BAZ2B: variants seen among roughly 807,000 people sequenced by gnomAD.
BAZ2B encodes bromodomain adjacent to zinc finger domain 2B, also known as bromodomain adjacent to zinc finger domain protein 2B.
Under a neutral mutation model 246.0 loss-of-function variants are expected in BAZ2B, and 91 were observed. That is an observed-to-expected ratio of 0.37 (90% confidence interval 0.31 to 0.44). The LOEUF is 0.44. Among genes scored for constraint, BAZ2B ranks in the 20% least tolerant of loss-of-function variants. The probability of loss-of-function intolerance (pLI) is 1.00; values close to 1 mark genes in which losing one functional copy is unlikely to be tolerated. For synonymous variants in BAZ2B, 855 were observed against 860.0 expected, an observed-to-expected ratio of 0.99 and a Z score of 0.10; for missense variants, 2,332 against 2,533.7, an observed-to-expected ratio of 0.92 and a Z score of 1.71.
At chr2:159,342,496 G>C (rs2066903898) in intron 31 of BAZ2B, among the ~76,000 whole-genome samples, 1 of 152,088 alleles carries the variant, frequency 6.6e-6, no homozygotes, top group African/African-American at 2.4e-5. Context: ...ATGTTCCCCA[G>C]GCTGGTCTCA....
At chr2:159,405,589 T>C (rs1203594265) in intron 14 of BAZ2B, among the ~76,000 whole-genome samples, 2 of 152,200 alleles carry the variant, frequency 1.3e-5, no homozygotes, top group Non-Finnish European at 2.9e-5. Context: ...CAACGTCATG[T>C]TCATTCCAAC....
intron 1 of BAZ2B, among the ~76,000 whole-genome samples, chr2:159,591,118 T>C (rs1689300987): frequency 6.6e-6 from 1 of 152,198 alleles, no homozygotes; most frequent in South Asian, 2.1e-4. Flanking sequence ...CCTAAAACTT[T>C]TGTAGATGTT....
At chr2:159,667,048 A>G in the BAZ2B span, among the ~76,000 whole-genome samples, 1 of 151,984 alleles carries the variant, frequency 6.6e-6, no homozygotes, top group Non-Finnish European at 1.5e-5. Flanking sequence ...ATACCTATGT[A>G]ACAAACCTGC....
At chr2:159,698,329 C>T in the BAZ2B span, among the ~76,000 whole-genome samples, 5 of 151,646 alleles carry the variant, frequency 3.3e-5, no homozygotes, top group African/African-American at 4.8e-5. Context: ...TTGAGACCAG[C>T]GGGGCAATAT....
At chr2:159,363,604 AAAG>A (rs2059933389) in intron 27 of BAZ2B, among the ~76,000 whole-genome samples, 2 of 152,222 alleles carry the variant, frequency 1.3e-5, no homozygotes, top group African/African-American at 2.4e-5. Flanking sequence ...AGAAGGAACA[AAAG>A]AAGGAGTAGA....
chr2:159,502,550 C>A (rs186026803), intron 2 of BAZ2B, among the ~76,000 whole-genome samples: 2 of 152,036 alleles, frequency 1.3e-5, no homozygotes, highest in African/African-American at 4.8e-5. Flanking sequence ...AAGAGGACTG[C>A]CTGAGCCTGG....
chr2:159,568,406 C>T (rs1303925608), intron 1 of BAZ2B, among the ~76,000 whole-genome samples: 1 of 151,930 alleles, frequency 6.6e-6, no homozygotes, highest in Non-Finnish European at 1.5e-5. Flanking sequence ...TTCATCATGA[C>T]TGGATTAAGG....
intron 1 of BAZ2B, among the ~76,000 whole-genome samples, chr2:159,612,693 G>C (rs1251584262): frequency 6.6e-6 from 1 of 152,120 alleles, no homozygotes. Context: ...TGCAGTTCAA[G>C]CTGGGAATGA....
At chr2:159,633,842 C>T in the BAZ2B span, among the ~76,000 whole-genome samples, 2 of 149,826 alleles carry the variant, frequency 1.3e-5, no homozygotes, top group South Asian at 2.1e-4. Context: ...CAGGTTCAAG[C>T]AATTCTCATG....
At chr2:159,327,067 T>TG (rs1473258638) in intron 34 of BAZ2B, among the ~76,000 whole-genome samples, 1 of 151,526 alleles carries the variant, frequency 6.6e-6, no homozygotes, top group Non-Finnish European at 1.5e-5. Flanking sequence ...TTTTTTTTTT[T>TG]TTTGAGGCAG....
chr2:159,677,660 T>C, the BAZ2B span, among the ~76,000 whole-genome samples: 1 of 152,168 alleles, frequency 6.6e-6, no homozygotes, highest in Non-Finnish European at 1.5e-5. Flanking sequence ...GGAGAGTCAT[T>C]CAAAGACAGT....
At chr2:159,619,848 A>G (rs1696360598), upstream of BAZ2B, among the ~76,000 whole-genome samples, 1 of 152,126 alleles carries the variant, frequency 6.6e-6, no homozygotes, top group Admixed American at 6.5e-5. Flanking sequence ...TTCAGATAAA[A>G]TAGTTGCTAT....
At chr2:159,519,222 T>C (rs2083795746) in intron 2 of BAZ2B, among the ~76,000 whole-genome samples, 8 of 41,064 alleles carry the variant, frequency 1.9e-4, no homozygotes, top group Admixed American at 3.3e-4. Flanking sequence ...TTTTTTTTTT[T>C]TTTTTTTTTT....
the BAZ2B span, among the ~76,000 whole-genome samples, chr2:159,690,954 C>T: frequency 3.3e-4 from 50 of 152,140 alleles, no homozygotes; most frequent in African/African-American, 1.1e-3. Flanking sequence ...CCTTGCCTTG[C>T]TCCTGATGGT....
At chr2:159,567,711 C>T (rs1313260558) in intron 1 of BAZ2B, among the ~76,000 whole-genome samples, 2 of 152,146 alleles carry the variant, frequency 1.3e-5, no homozygotes, top group Non-Finnish European at 2.9e-5. Context: ...TGGTGGCTCA[C>T]GCCTGTAATC....
the BAZ2B span, among the ~76,000 whole-genome samples, chr2:159,658,694 A>G: frequency 5.9e-5 from 9 of 151,880 alleles, no homozygotes; most frequent in African/African-American, 2.2e-4. Flanking sequence ...AATTCTTTGT[A>G]TTTTAGTAGA....
At chr2:159,383,420 CATT>C in intron 24 of BAZ2B, among the ~76,000 whole-genome samples, 183 bp downstream of exon 24, 1 of 152,206 alleles carries the variant, frequency 6.6e-6, no homozygotes, top group Middle Eastern at 3.4e-3. Context: ...CAATGAATCT[CATT>C]ATATCTTTTG....
intron 2 of BAZ2B, among the ~76,000 whole-genome samples, chr2:159,514,368 T>C (rs1413315606): frequency 1.3e-5 from 2 of 152,190 alleles, no homozygotes; most frequent in Non-Finnish European, 2.9e-5. Flanking sequence ...AGTTATCACA[T>C]TGTACTGTTA....
intron 14 of BAZ2B, among the ~76,000 whole-genome samples, chr2:159,406,366 G>GC (rs1386127332): frequency 6.6e-6 from 1 of 152,194 alleles, no homozygotes; most frequent in African/African-American, 2.4e-5. Flanking sequence ...GATAAGCAAA[G>GC]CTGCTTAGCT....
Sources: allele counts gnomAD v4.1 joint callset (sites outside exome capture counted in the v4.1 genomes callset), GRCh38; gene constraint gnomAD v4.1.1; transcripts MANE v1.5; gene names NCBI Gene and HGNC (gene_info 2026-07-23, HGNC 2026-07-21).